The following SUMF1 variants were observed in gnomAD, a reference collection of about 807,000 sequenced individuals.
The protein encoded by SUMF1 is sulfatase modifying factor 1, also known as formylglycine-generating enzyme.
In SUMF1, 48 loss-of-function variants were observed where a neutral mutation model predicts 47.6. The ratio of observed to expected loss-of-function variants is 1.01; its 90% CI spans 0.80 to 1.28. SUMF1 has a LOEUF of 1.28. Ranked by LOEUF, SUMF1 falls within the 50% of genes most tolerant of loss-of-function variation. The pLI is 0.00. For synonymous variants in SUMF1, 230 were observed against 192.1 expected, an observed-to-expected ratio of 1.20 and a Z score of -1.63; for missense variants, 571 against 485.4, an observed-to-expected ratio of 1.18 and a Z score of -1.66.
intron 8 of SUMF1, among the ~76,000 whole-genome samples, chr3:4,236,464 T>C (rs989389821): frequency 5.3e-5 from 8 of 152,014 alleles, no homozygotes; most frequent in African/African-American, 1.4e-4. Context: ...TTTAAAAAAA[T>C]AGACTTTAGC....
At chr3:4,367,559 G>A (rs1051371310) in intron 8 of SUMF1, among the ~76,000 whole-genome samples, 3 of 151,826 alleles carry the variant, frequency 2.0e-5, no homozygotes, top group Admixed American at 6.6e-5. Context: ...CAAAGCTGGA[G>A]GCATCACACT....
At chr3:4,113,505 G>T (rs1397286312) in intron 8 of SUMF1, among the ~76,000 whole-genome samples, 1 of 151,812 alleles carries the variant, frequency 6.6e-6, no homozygotes, top group Non-Finnish European at 1.5e-5. Flanking sequence ...TCCAGCCTGG[G>T]TCACAGTGAG....
intron 9 of SUMF1, among the ~76,000 whole-genome samples, chr3:4,052,501 C>T (rs766040236): frequency 3.9e-5 from 6 of 152,178 alleles, no homozygotes; most frequent in Non-Finnish European, 7.3e-5. Context: ...AGAGAAACTG[C>T]AGCTCCTGCA....
chr3:4,224,530 C>A (rs1393895429), intron 8 of SUMF1, among the ~76,000 whole-genome samples: 2 of 151,882 alleles, frequency 1.3e-5, no homozygotes, highest in Non-Finnish European at 1.5e-5. Flanking sequence ...TCAGAATATC[C>A]CATTTCCAGG....
chr3:4,414,155 G>T (rs574322485), intron 6 of SUMF1, among the ~76,000 whole-genome samples: 1 of 152,092 alleles, frequency 6.6e-6, no homozygotes, highest in Non-Finnish European at 1.5e-5. Context: ...ATGAGCCACC[G>T]CACCTGGCCC....
At chr3:4,242,282 G>A (rs1255129148) in intron 8 of SUMF1, among the ~76,000 whole-genome samples, 1 of 152,106 alleles carries the variant, frequency 6.6e-6, no homozygotes, top group East Asian at 1.9e-4. Context: ...TCTCTTGCCT[G>A]ATTGCCCTGG....
At chr3:4,368,640 T>C (rs1700065442) in intron 8 of SUMF1, among the ~76,000 whole-genome samples, 1 of 152,162 alleles carries the variant, frequency 6.6e-6, no homozygotes, top group Non-Finnish European at 1.5e-5. Flanking sequence ...ATATACACCA[T>C]GGAAGAGTAT....
At chr3:4,172,654 G>C (rs539103969) in intron 8 of SUMF1, among the ~76,000 whole-genome samples, 2 of 152,058 alleles carry the variant, frequency 1.3e-5, no homozygotes, top group South Asian at 4.2e-4. Flanking sequence ...CTTTTGAGAA[G>C]GGTCTGCTTA....
At chr3:4,244,358 G>T (rs563239054) in intron 8 of SUMF1, among the ~76,000 whole-genome samples, 2 of 152,264 alleles carry the variant, frequency 1.3e-5, no homozygotes, top group African/African-American at 4.8e-5. Flanking sequence ...AGCATCAATG[G>T]TCTTTACAAT....
Position 4,341,849 on chromosome 3 carries a change from G to A in SUMF1, c.1014+34481C>T, listed in dbSNP as rs143854515. ...AAAATATCAAACGCTATTTATGTGT[G>A]TGTGTGTTTTTTAACTAAGAAGTCA... On this transcript the variant is annotated intron_variant and NMD_transcript_variant, in intron 8 of 12. Coordinates refer to the SUMF1 transcript ENST00000448413. Among the ~76,000 whole-genome samples the A allele has an allele frequency of 5.9e-5, 9 of 152,268 alleles. No individual in the cohort carries two copies. The East Asian group carries it at 1.3e-3, about 23-fold the overall frequency.
intron 8 of SUMF1, among the ~76,000 whole-genome samples, chr3:4,267,210 G>A (rs1697213658): frequency 6.6e-6 from 1 of 152,038 alleles, no homozygotes; most frequent in Admixed American, 6.5e-5. Context: ...TCTCTGCCCG[G>A]CTTTGGTATC....
chr3:4,202,877 A>G (rs564262835), intron 8 of SUMF1, among the ~76,000 whole-genome samples: 1 of 151,960 alleles, frequency 6.6e-6, no homozygotes, highest in East Asian at 1.9e-4. Context: ...ATGTGTTTGT[A>G]TAGTTTCCAA....
intron 8 of SUMF1, among the ~76,000 whole-genome samples, chr3:4,170,777 T>C (rs1190707916): frequency 6.6e-6 from 1 of 152,154 alleles, no homozygotes; most frequent in African/African-American, 2.4e-5. Context: ...TGGATATCCA[T>C]TAACAACAAC....
At chr3:4,269,281 C>G (rs1697259293) in intron 8 of SUMF1, among the ~76,000 whole-genome samples, 1 of 152,128 alleles carries the variant, frequency 6.6e-6, no homozygotes, top group Non-Finnish European at 1.5e-5. Flanking sequence ...ATTAACTCGT[C>G]ATTTAACATG....
chr3:4,351,617 T>C (rs1699503738), intron 8 of SUMF1, among the ~76,000 whole-genome samples: 1 of 152,188 alleles, frequency 6.6e-6, no homozygotes, highest in Non-Finnish European at 1.5e-5. Context: ...ACCCAAGCCT[T>C]CTTCCACGCC....
At chr3:4,125,686 A>C (rs772438096) in intron 8 of SUMF1, among the ~76,000 whole-genome samples, 1 of 152,118 alleles carries the variant, frequency 6.6e-6, no homozygotes, top group Non-Finnish European at 1.5e-5. Flanking sequence ...TTATTTGTTT[A>C]TTTTTAGAGA....
intron 8 of SUMF1, among the ~76,000 whole-genome samples, chr3:4,237,271 C>T (rs1027702158): frequency 1.3e-4 from 20 of 152,090 alleles, no homozygotes; most frequent in African/African-American, 4.1e-4. Flanking sequence ...TCCTGTTGCT[C>T]CATGTACTCA....
intron 8 of SUMF1, among the ~76,000 whole-genome samples, chr3:4,174,356 CAAAAAAA>C (rs547741138): frequency 8.9e-6 from 1 of 112,508 alleles, no homozygotes; most frequent in Non-Finnish European, 1.8e-5. Context: ...ACTCCGTCTC[CAAAAAAA>C]AAAAAAAAAA....
At chr3:4,332,172 A>G (rs1699064573) in intron 8 of SUMF1, among the ~76,000 whole-genome samples, 1 of 152,224 alleles carries the variant, frequency 6.6e-6, no homozygotes, top group Non-Finnish European at 1.5e-5. Context: ...GTAGTGAAAC[A>G]TCACATACAC....
Sources: allele counts gnomAD v4.1 joint callset (sites outside exome capture counted in the v4.1 genomes callset), GRCh38; gene constraint gnomAD v4.1.1; transcripts MANE v1.5; gene names NCBI Gene and HGNC (gene_info 2026-07-23, HGNC 2026-07-21).